The following ZNF451 variants were observed in gnomAD, a reference collection of about 807,000 sequenced individuals.
ZNF451 encodes E3 SUMO-protein ligase ZNF451.
Under a neutral mutation model 107.1 loss-of-function variants are expected in ZNF451, and 80 were observed. The ratio of observed to expected loss-of-function variants is 0.75; its 90% CI spans 0.62 to 0.90. The LOEUF (loss-of-function observed/expected upper bound fraction) is 0.90, where lower values mean the gene tolerates loss of function less well. Ranked by LOEUF, ZNF451 falls within the 40% of genes least tolerant of loss-of-function variation. The pLI is 0.00. For synonymous variants in ZNF451, 362 were observed against 406.5 expected (o/e 0.89, Z 1.32); for missense variants, 1,107 against 1,236.2 (o/e 0.90, Z 1.57).
intron 3 of ZNF451, chr6:57,102,156 T>C: frequency 6.9e-7 from 1 of 1,447,666 alleles, no homozygotes; most frequent in Non-Finnish European, 9.0e-7. Context: ...TACTTGTTCC[T>C]CCTTGTACAA....
chr6:57,130,552 T>C (rs1831135662), intron 5 of ZNF451, among the ~76,000 whole-genome samples: 1 of 152,210 alleles, frequency 6.6e-6, no homozygotes, highest in Non-Finnish European at 1.5e-5. Context: ...TAGAAGACTT[T>C]ATCATCTCTA....
chr6:57,094,666 A>G (rs921415863), intron 2 of ZNF451, among the ~76,000 whole-genome samples: 9 of 152,210 alleles, frequency 5.9e-5, no homozygotes, highest in African/African-American at 1.9e-4. Flanking sequence ...TATTATAAAC[A>G]TAACTTCTTT....
intron 12 of ZNF451, among the ~76,000 whole-genome samples, chr6:57,152,935 T>A (rs958847989): frequency 6.6e-6 from 1 of 152,188 alleles, no homozygotes; most frequent in African/African-American, 2.4e-5. Flanking sequence ...CTTTCATATT[T>A]TAATATCTCT....
At chr6:57,144,243 T>C (rs926220615) in intron 9 of ZNF451, among the ~76,000 whole-genome samples, 7 of 149,424 alleles carry the variant, frequency 4.7e-5, no homozygotes, top group African/African-American at 1.5e-4. Context: ...CCTTTTTTTT[T>C]TTTTTTTTTT....
At chr6:57,149,902 G>T (rs1447698487) in intron 10 of ZNF451, among the ~76,000 whole-genome samples, 1 of 152,016 alleles carries the variant, frequency 6.6e-6, no homozygotes. Flanking sequence ...TTACCGAGAA[G>T]TTAGAGAAAA....
intron 3 of ZNF451, among the ~76,000 whole-genome samples, chr6:57,110,861 G>T (rs990437398): frequency 6.7e-6 from 1 of 148,862 alleles, no homozygotes; most frequent in African/African-American, 2.5e-5. Context: ...CTTCGTATTC[G>T]TTTTTTAAGT....
At chr6:57,155,461 G>C (rs905483825) in intron 13 of ZNF451, among the ~76,000 whole-genome samples, 11 of 152,170 alleles carry the variant, frequency 7.2e-5, no homozygotes, top group Admixed American at 4.6e-4. Context: ...GCTCCAGCCT[G>C]GGCAATAAGA....
chr6:57,126,267 G>C (rs1830924107), intron 4 of ZNF451, among the ~76,000 whole-genome samples: 1 of 151,786 alleles, frequency 6.6e-6, no homozygotes, highest in Admixed American at 6.6e-5. Flanking sequence ...AATTTGTCTA[G>C]ATTTCATTCT....
At chr6:57,153,598 A>G (rs1324942621) in intron 12 of ZNF451, among the ~76,000 whole-genome samples, 1 of 151,864 alleles carries the variant, frequency 6.6e-6, no homozygotes, top group East Asian at 1.9e-4. Flanking sequence ...TTTTTAATAG[A>G]GACCGCGTTT....
intron 3 of ZNF451, among the ~76,000 whole-genome samples, chr6:57,112,946 T>C (rs564183727): frequency 2.6e-4 from 40 of 152,342 alleles, no homozygotes; most frequent in African/African-American, 8.7e-4. Flanking sequence ...TGCTATGAGC[T>C]ATTATAAAAT....
At chr6:57,109,273 T>G in intron 3 of ZNF451, 1 of 985,380 alleles carries the variant, frequency 1.0e-6, no homozygotes, top group Non-Finnish European at 1.2e-6. Context: ...CAATGTTGTT[T>G]ATTACATTCA....
At chr6:57,143,419 T>C (rs758960577) in intron 9 of ZNF451, among the ~76,000 whole-genome samples, 1 of 152,198 alleles carries the variant, frequency 6.6e-6, no homozygotes, top group Non-Finnish European at 1.5e-5. Flanking sequence ...CAATTCTCTG[T>C]TGTTTGCCCA....
chr6:57,157,035 G>A (rs1763461150), intron 13 of ZNF451, among the ~76,000 whole-genome samples: 1 of 152,178 alleles, frequency 6.6e-6, no homozygotes. Flanking sequence ...ATGGCCCTGG[G>A]GTTGGGGACT....
intron 4 of ZNF451, among the ~76,000 whole-genome samples, chr6:57,125,825 C>T (rs1830901692): frequency 1.3e-5 from 2 of 149,618 alleles, no homozygotes; most frequent in African/African-American, 4.8e-5. Context: ...GTTTTAAATG[C>T]TTATTGCATA....
In ZNF451 at chr6:57,099,226, G is replaced by A. The variant is rs574942647; in HGVS notation, c.186+85G>A. The A allele has an allele frequency of 1.2e-4, 139 of 1,113,058 alleles. No individual in the cohort carries two copies. In the African/African-American group the frequency reaches 1.9e-3, roughly 15 times the overall value. The allele number at this position is 1,113,058 out of a possible 1,614,324, so 68.9% of individuals were successfully genotyped here. A position where few individuals can be genotyped will look rare whatever the true frequency, so the allele number is the denominator to read the frequency against. ...AAAGAGAGTTACCAAATCAGGGAAG[G>A]CTGTGTTTAGAAATAGCCAGTTCTA... On this transcript the variant is annotated intron_variant, in intron 3 of 14. Coordinates refer to ENST00000370706, the MANE Select transcript of ZNF451 (RefSeq NM_001031623.3).
At chr6:57,099,189 G>T in intron 3 of ZNF451, 48 bp downstream of exon 3, 1 of 1,426,374 alleles carries the variant, frequency 7.0e-7, no homozygotes, top group East Asian at 2.3e-5. Flanking sequence ...TGTCTTTTAA[G>T]AGGTATTCTC....
intron 3 of ZNF451, among the ~76,000 whole-genome samples, chr6:57,110,919 C>G (rs1039911213): frequency 2.3e-5 from 3 of 133,286 alleles, no homozygotes; most frequent in Admixed American, 7.5e-5. Context: ...TTTTTTTTTC[C>G]TTCTTTTTCC....
chr6:57,093,564 G>A (rs1376615388), intron 2 of ZNF451, among the ~76,000 whole-genome samples: 1 of 152,202 alleles, frequency 6.6e-6, no homozygotes, highest in African/African-American at 2.4e-5. Context: ...TGTGAATGAT[G>A]AGATAGGAGG....
chr6:57,104,812 G>A (rs1829773801), intron 3 of ZNF451: 1 of 985,324 alleles, frequency 1.0e-6, no homozygotes, highest in Non-Finnish European at 1.2e-6. Flanking sequence ...TAACTGATAT[G>A]CCCAAGTGTC....
Sources: allele counts gnomAD v4.1 joint callset (sites outside exome capture counted in the v4.1 genomes callset), GRCh38; gene constraint gnomAD v4.1.1; transcripts MANE v1.5; gene names NCBI Gene and HGNC (gene_info 2026-07-23, HGNC 2026-07-21).